KIAA1671: variants seen among roughly 807,000 people sequenced by gnomAD.
KIAA1671 encodes uncharacterized protein KIAA1671.
Under a neutral mutation model 131.2 loss-of-function variants are expected in KIAA1671, and 52 were observed. That is an observed-to-expected ratio of 0.40 (90% CI 0.32 to 0.50). KIAA1671 has a LOEUF of 0.50. KIAA1671 is among the 20% of genes least tolerant of loss of function. KIAA1671 has a pLI of 0.73. For missense variants in KIAA1671, 2,360 were observed against 2,364.2 expected (o/e 1.00, Z 0.04); for synonymous variants, 1,003 against 961.6 (o/e 1.04, Z -0.80).
chr22:25,113,312 A>T (rs1197449231), intron 6 of KIAA1671, among the ~76,000 whole-genome samples: 7 of 152,074 alleles, frequency 4.6e-5, no homozygotes, highest in Admixed American at 4.6e-4. Context: ...CCTCCCAATT[A>T]ATTCAGGGCT....
intron 6 of KIAA1671, chr22:25,057,624 C>A (rs1927923277): frequency 6.6e-6 from 1 of 151,060 alleles, no homozygotes; most frequent in Admixed American, 6.6e-5. Context: ...CGTCACATGT[C>A]CAGTGCGCTC....
chr22:25,153,753 C>A (rs887280943), intron 6 of KIAA1671, among the ~76,000 whole-genome samples: 1 of 152,220 alleles, frequency 6.6e-6, no homozygotes, highest in Admixed American at 6.5e-5. Context: ...GAGAAATGGG[C>A]CCTTCTGCCA....
chr22:25,179,542 C>T (rs6004460), intron 9 of KIAA1671: 2 of 1,587,942 alleles, frequency 1.3e-6, no homozygotes, highest in Non-Finnish European at 1.7e-6. Context: ...GCTTCAGCAC[C>T]TGCGCCTCCT....
intron 1 of KIAA1671, among the ~76,000 whole-genome samples, chr22:24,984,379 T>A (rs186512121): frequency 6.6e-6 from 1 of 152,288 alleles, no homozygotes; most frequent in African/African-American, 2.4e-5. Context: ...AGCTAACATC[T>A]TCAGTCTTGT....
chr22:25,128,685 G>C (rs1470191448), intron 6 of KIAA1671, among the ~76,000 whole-genome samples: 2 of 151,978 alleles, frequency 1.3e-5, no homozygotes, highest in African/African-American at 4.8e-5. Flanking sequence ...CCCAGCCCCA[G>C]CCCCATCTCT....
At chr22:25,190,472 CA>C (rs1424686301) in intron 11 of KIAA1671, among the ~76,000 whole-genome samples, 13 of 152,230 alleles carry the variant, frequency 8.5e-5, no homozygotes, top group Non-Finnish European at 1.6e-4. Flanking sequence ...GTCTGTGGCC[CA>C]GGGGGTTGGG....
intron 11 of KIAA1671, among the ~76,000 whole-genome samples, chr22:25,190,010 T>C (rs1473767345): frequency 6.6e-6 from 1 of 152,208 alleles, no homozygotes; most frequent in Admixed American, 6.5e-5. Flanking sequence ...ACCAGTTTTG[T>C]GAAAGACAAT....
At chr22:25,162,951 T>C (rs1185727046) in intron 6 of KIAA1671, among the ~76,000 whole-genome samples, 1 of 152,230 alleles carries the variant, frequency 6.6e-6, no homozygotes, top group African/African-American at 2.4e-5. Flanking sequence ...GGTACTTAAC[T>C]TATGATGTGT....
At chr22:25,184,881 G>A in intron 10 of KIAA1671, 96 bp from the exon 11 acceptor site, 3 of 1,459,198 alleles carry the variant, frequency 2.1e-6, no homozygotes, top group South Asian at 2.4e-5. Context: ...GGCCCCGAGT[G>A]TTTGCAGAAG....
At chr22:25,112,511 TC>T in intron 6 of KIAA1671, 1 of 398,024 alleles carries the variant, frequency 2.5e-6, no homozygotes, top group Non-Finnish European at 4.4e-6. Context: ...TGAAAGCTCC[TC>T]CCCTCCAGTC....
At chr22:25,110,748 C>T (rs1048056536) in intron 6 of KIAA1671, among the ~76,000 whole-genome samples, 3 of 152,172 alleles carry the variant, frequency 2.0e-5, no homozygotes, top group African/African-American at 7.2e-5. Flanking sequence ...GTCGTACCCC[C>T]AACCCCTAGT....
intron 1 of KIAA1671, among the ~76,000 whole-genome samples, chr22:24,959,365 T>TA (rs967794426): frequency 8.6e-5 from 13 of 150,464 alleles, no homozygotes; most frequent in African/African-American, 2.9e-4. Context: ...AAAATAAAAT[T>TA]AAAAAAAATT....
At chr22:25,100,655 T>G (rs1485816128) in intron 6 of KIAA1671, among the ~76,000 whole-genome samples, 1 of 152,170 alleles carries the variant, frequency 6.6e-6, no homozygotes, top group Admixed American at 6.5e-5. Flanking sequence ...CCTTCCTGGG[T>G]TATACCTGTC....
chr22:24,954,479 G>A (rs1467199191), intron 1 of KIAA1671, among the ~76,000 whole-genome samples: 1 of 152,184 alleles, frequency 6.6e-6, no homozygotes, highest in Non-Finnish European at 1.5e-5. Flanking sequence ...GAAGTGCAGA[G>A]TTTCAATGCA....
rs371220809 is a variant in KIAA1671 at position 25,150,547 on chromosome 22, A to G, written c.4531-20273A>G. Among the ~76,000 whole-genome samples, 102 of 152,108 alleles carry G rather than the reference A, an allele frequency of 6.7e-4. 1 individual carries two copies. The East Asian group carries it at 0.016, about 24-fold the overall frequency. ...CTGCCCCTGCCTCCCCCGACACCCC[A>G]ACACCCTTCTCTAAGGCCTAATCTG... On this transcript the variant is annotated intron_variant, in intron 6 of 12. Coordinates refer to ENST00000358431, the MANE Select transcript of KIAA1671 (RefSeq NM_001145206.2).
intron 1 of KIAA1671, among the ~76,000 whole-genome samples, chr22:24,956,020 G>C (rs1165832178): frequency 7.4e-6 from 1 of 134,292 alleles, no homozygotes; most frequent in African/African-American, 2.8e-5. Context: ...GTGAGACTCC[G>C]TCTCAAAAAA....
intron 5 of KIAA1671, among the ~76,000 whole-genome samples, chr22:25,043,260 C>T (rs994792364): frequency 2.0e-5 from 3 of 152,194 alleles, no homozygotes; most frequent in African/African-American, 7.2e-5. Context: ...ACCCAAATAT[C>T]TATCAGTGAG....
intron 6 of KIAA1671, among the ~76,000 whole-genome samples, chr22:25,093,663 G>T (rs1051627160): frequency 6.9e-6 from 1 of 144,954 alleles, no homozygotes; most frequent in Non-Finnish European, 1.5e-5. Context: ...GAGAGGTACC[G>T]GGATCTTCCC....
At chr22:25,140,762 C>T (rs1174794515) in intron 6 of KIAA1671, among the ~76,000 whole-genome samples, 2 of 152,194 alleles carry the variant, frequency 1.3e-5, no homozygotes, top group African/African-American at 4.8e-5. Flanking sequence ...GGGACTTATT[C>T]TGTGTATGAC....
Sources: gnomAD v4.1 joint callset for allele counts (sites outside exome capture counted in the v4.1 genomes callset) on GRCh38, gnomAD v4.1.1 for gene constraint, MANE v1.5 for transcripts, NCBI Gene and HGNC (gene_info 2026-07-23, HGNC 2026-07-21) for gene names.